Variants in LRMDA observed in about 807,000 individuals in gnomAD.
LRMDA encodes the protein leucine rich melanocyte differentiation associated.
In LRMDA, 18 loss-of-function variants were observed where a neutral mutation model predicts 29.8. The observed-to-expected ratio is 0.60, with a 90% CI of 0.42 to 0.90. LRMDA has a LOEUF of 0.90. LRMDA is among the 40% of genes least tolerant of loss of function. The pLI is 0.00. For synonymous variants in LRMDA, 125 were observed against 109.4 expected (o/e 1.14, Z -0.89); for missense variants, 273 against 273.9 (o/e 1.00, Z 0.02).
At chr10:76,353,251 C>T (rs1313731824) in intron 6 of LRMDA, among the ~76,000 whole-genome samples, 1 of 151,946 alleles carries the variant, frequency 6.6e-6, no homozygotes, top group African/African-American at 2.4e-5. Flanking sequence ...ACATTACATT[C>T]CCTAAGAACT....
intron 2 of LRMDA, among the ~76,000 whole-genome samples, chr10:75,609,542 C>T (rs1188905144): frequency 1.3e-5 from 2 of 152,130 alleles, no homozygotes; most frequent in African/African-American, 2.4e-5. Flanking sequence ...GCATCTTTCC[C>T]CTTTTAAGAA....
intron 6 of LRMDA, among the ~76,000 whole-genome samples, chr10:76,514,461 G>T (rs2132354697): frequency 6.6e-6 from 1 of 152,314 alleles, no homozygotes; most frequent in East Asian, 1.9e-4. Flanking sequence ...GCACCAGGAA[G>T]GTGTGAAAAT....
At chr10:76,525,239 A>G (rs1386403500) in intron 6 of LRMDA, among the ~76,000 whole-genome samples, 1 of 152,202 alleles carries the variant, frequency 6.6e-6, no homozygotes, top group African/African-American at 2.4e-5. Flanking sequence ...CCTAAGTTTC[A>G]TAGGTAATCA....
chr10:76,491,170 T>A (rs1005649687), intron 6 of LRMDA, among the ~76,000 whole-genome samples: 3 of 152,046 alleles, frequency 2.0e-5, no homozygotes, highest in Admixed American at 6.6e-5. Flanking sequence ...TTTTGGTTCA[T>A]TCATCTTTCG....
intron 2 of LRMDA, among the ~76,000 whole-genome samples, chr10:75,472,873 G>A (rs1844742603): frequency 6.6e-6 from 1 of 152,234 alleles, no homozygotes; most frequent in South Asian, 2.1e-4. Flanking sequence ...GGTCCTAACA[G>A]GAAGCAGGAG....
chr10:76,541,320 C>G (rs923897478), intron 6 of LRMDA, among the ~76,000 whole-genome samples: 3 of 152,034 alleles, frequency 2.0e-5, no homozygotes, highest in Non-Finnish European at 2.9e-5. Context: ...AGCCAACATG[C>G]CAAAACCTCA....
chr10:76,172,364 A>T (rs1850854770), intron 5 of LRMDA, among the ~76,000 whole-genome samples: 1 of 152,174 alleles, frequency 6.6e-6, no homozygotes, highest in South Asian at 2.1e-4. Flanking sequence ...TGAGCCCTAC[A>T]ATTGCTCCAG....
At chr10:76,367,372 C>T (rs1266124341) in intron 6 of LRMDA, among the ~76,000 whole-genome samples, 1 of 151,898 alleles carries the variant, frequency 6.6e-6, no homozygotes, top group Non-Finnish European at 1.5e-5. Flanking sequence ...TGTTGTGAAC[C>T]TGTCTGGTCC....
intron 6 of LRMDA, among the ~76,000 whole-genome samples, chr10:76,407,732 G>C (rs573437073): frequency 5.8e-4 from 88 of 152,274 alleles, no homozygotes; most frequent in African/African-American, 2.1e-3. Context: ...TATTTCTTTT[G>C]CATTACTTTG....
intron 2 of LRMDA, among the ~76,000 whole-genome samples, chr10:75,878,222 C>G (rs1487495224): frequency 6.6e-6 from 1 of 151,738 alleles, no homozygotes; most frequent in South Asian, 2.1e-4. Context: ...TGTTCTTGCC[C>G]TAGGGTACTG....
chr10:75,799,795 CT>C (rs1415726834), intron 2 of LRMDA, among the ~76,000 whole-genome samples: 4 of 151,236 alleles, frequency 2.6e-5, no homozygotes, highest in African/African-American at 9.7e-5. Flanking sequence ...ATCCGCTCAC[CT>C]TGATGGAGTT....
Position 76,433,940 on chromosome 10 carries a change from C to G in LRMDA, c.601+109455C>G, listed in dbSNP as rs561640075. Among the ~76,000 whole-genome samples, 3 of 152,308 alleles carry G rather than the reference C, an allele frequency of 2.0e-5. No individual in the cohort carries two copies. In the South Asian group the frequency reaches 6.2e-4, roughly 32 times the overall value. ...CAGTCTCTCACCTTTGACAAATTCCCACACCTTTGACAAATTCCCAAATCC... is the reference window on the plus strand; with the variant it reads ...CAGTCTCTCACCTTTGACAAATTCCGACACCTTTGACAAATTCCCAAATCC... On this transcript the variant is annotated intron_variant, in intron 6 of 6. Coordinates refer to ENST00000611255, the MANE Select transcript of LRMDA (RefSeq NM_001305581.2).
At chr10:75,671,189 T>C (rs1299609972) in intron 2 of LRMDA, among the ~76,000 whole-genome samples, 1 of 152,210 alleles carries the variant, frequency 6.6e-6, no homozygotes, top group Non-Finnish European at 1.5e-5. Flanking sequence ...AAATTTATTA[T>C]GGGAATCTTT....
chr10:75,732,275 T>C (rs1842708903), intron 2 of LRMDA, among the ~76,000 whole-genome samples: 1 of 152,144 alleles, frequency 6.6e-6, no homozygotes, highest in Admixed American at 6.5e-5. Flanking sequence ...GAAGCATGCC[T>C]ATGTTTGGAA....
At chr10:75,467,654 T>C (rs1476966700) in intron 2 of LRMDA, among the ~76,000 whole-genome samples, 6 of 152,050 alleles carry the variant, frequency 3.9e-5, no homozygotes, top group African/African-American at 1.4e-4. Context: ...GACAGGACAG[T>C]ATACCAGACA....
intron 5 of LRMDA, among the ~76,000 whole-genome samples, chr10:76,235,342 TATAATA>T (rs964325058): frequency 6.6e-6 from 1 of 151,966 alleles, no homozygotes; most frequent in Non-Finnish European, 1.5e-5. Flanking sequence ...CCATAACAGA[TATAATA>T]ATAATGAAAA....
At chr10:75,817,044 G>C (rs1472487248) in intron 2 of LRMDA, among the ~76,000 whole-genome samples, 1 of 152,174 alleles carries the variant, frequency 6.6e-6, no homozygotes, top group Non-Finnish European at 1.5e-5. Context: ...ACGTTGCATG[G>C]TCTACTCCTG....
intron 2 of LRMDA, among the ~76,000 whole-genome samples, chr10:75,634,471 G>A (rs547231706): frequency 6.6e-6 from 1 of 152,154 alleles, no homozygotes; most frequent in South Asian, 2.1e-4. Flanking sequence ...TTTCTCCTGA[G>A]GGTAACCTCA....
chr10:76,530,877 G>A (rs2132373058), intron 6 of LRMDA, among the ~76,000 whole-genome samples: 1 of 152,292 alleles, frequency 6.6e-6, no homozygotes, highest in East Asian at 1.9e-4. Context: ...AAGGGCTAAA[G>A]GAGATTTTCA....
Sources: gnomAD v4.1 joint callset for allele counts (sites outside exome capture counted in the v4.1 genomes callset) on GRCh38, gnomAD v4.1.1 for gene constraint, MANE v1.5 for transcripts, NCBI Gene and HGNC (gene_info 2026-07-23, HGNC 2026-07-21) for gene names.